PHACTR1: variants seen among roughly 807,000 people sequenced by gnomAD.
PHACTR1 encodes RPEL repeat containing 1.
A neutral mutation model predicts 69.2 loss-of-function variants in PHACTR1; 16 were observed. That is an observed-to-expected ratio of 0.23 (90% confidence interval 0.16 to 0.35). The LOEUF is 0.35. PHACTR1 is among the 10% of genes least tolerant of loss of function. PHACTR1 has a pLI of 1.00. For missense variants in PHACTR1, 510 were observed against 734.7 expected (o/e 0.69, Z 3.54); for synonymous variants, 312 against 284.5 (o/e 1.10, Z -0.97).
At chr6:12,738,408 A>G (rs1004023284) in intron 3 of PHACTR1, among the ~76,000 whole-genome samples, 6 of 152,206 alleles carry the variant, frequency 3.9e-5, no homozygotes, top group Admixed American at 6.5e-5. Context: ...GGAAACTTTA[A>G]GGCCATGAAA....
At chr6:13,155,068 C>T (rs1345905466) in intron 5 of PHACTR1, among the ~76,000 whole-genome samples, 1 of 152,096 alleles carries the variant, frequency 6.6e-6, no homozygotes, top group Non-Finnish European at 1.5e-5. Context: ...TGAGCTTGTC[C>T]TAGTGTAAAA....
intron 11 of PHACTR1, chr6:13,274,445 G>A (rs1226903484): frequency 6.6e-6 from 1 of 152,184 alleles, no homozygotes; most frequent in Non-Finnish European, 1.5e-5. Flanking sequence ...TGGTACCTGA[G>A]CCATTATAAA....
At chr6:12,931,477 A>G (rs1368201312) in intron 4 of PHACTR1, among the ~76,000 whole-genome samples, 3 of 152,136 alleles carry the variant, frequency 2.0e-5, no homozygotes, top group Non-Finnish European at 4.4e-5. Context: ...GCAAGTTAAT[A>G]TAAATGTCCA....
At chr6:12,957,509 G>T (rs369050589) in intron 4 of PHACTR1, 2 of 985,340 alleles carry the variant, frequency 2.0e-6, no homozygotes, top group South Asian at 4.7e-5. Context: ...CCTTGGAGAC[G>T]CCAGCTGGGC....
chr6:12,989,443 T>C (rs1274142288), intron 4 of PHACTR1, among the ~76,000 whole-genome samples: 2 of 152,186 alleles, frequency 1.3e-5, no homozygotes, highest in Non-Finnish European at 2.9e-5. Flanking sequence ...TATACCAACA[T>C]ATAGTCTGGG....
At chr6:12,833,240 T>C (rs753457999) in intron 4 of PHACTR1, among the ~76,000 whole-genome samples, 4 of 151,880 alleles carry the variant, frequency 2.6e-5, no homozygotes, top group Non-Finnish European at 5.9e-5. Context: ...TAATCTCTGC[T>C]CCACAAACCT....
rs868535372 is a variant in PHACTR1, at chr6:13,014,278, A to G, written c.251-39087A>G. On this transcript the variant is annotated intron_variant, in intron 4 of 14. Transcript: ENST00000332995. ...GACATCCGCACTCCACCCAGACATG[A>G]CAGCCGCCCGCCGGGCACTTTGCAG... 7.9e-5 allele frequency among the ~76,000 whole-genome samples: 12 copies of G among 152,188 alleles called. No homozygotes were observed. The South Asian group carries it at 1.0e-3, about 13-fold the overall frequency.
intron 4 of PHACTR1, among the ~76,000 whole-genome samples, chr6:12,856,892 C>A (rs1366837500): frequency 6.6e-6 from 1 of 152,206 alleles, no homozygotes; most frequent in Non-Finnish European, 1.5e-5. Flanking sequence ...TTTTCTTGAA[C>A]AATTTGCCTG....
chr6:13,122,429 G>A (rs190010227), intron 5 of PHACTR1, among the ~76,000 whole-genome samples: 1 of 152,334 alleles, frequency 6.6e-6, no homozygotes, highest in Admixed American at 6.5e-5. Flanking sequence ...ACTGTCAGAA[G>A]AAGTAAAGCT....
chr6:12,989,185 T>C (rs1336002894), intron 4 of PHACTR1, among the ~76,000 whole-genome samples: 1 of 152,228 alleles, frequency 6.6e-6, no homozygotes, highest in Non-Finnish European at 1.5e-5. Context: ...AGCCATCTAT[T>C]CACTAATTTT....
chr6:13,028,865 A>G (rs999447325), intron 4 of PHACTR1, among the ~76,000 whole-genome samples: 2 of 152,162 alleles, frequency 1.3e-5, no homozygotes, highest in Admixed American at 6.5e-5. Flanking sequence ...AGTGTGGACT[A>G]GTGTCTAGGA....
chr6:13,205,697 AT>A, intron 7 of PHACTR1, 117 bp from the exon 8 acceptor site: 2 of 979,972 alleles, frequency 2.0e-6, no homozygotes, highest in Non-Finnish European at 1.5e-6. Flanking sequence ...CAACTGACGC[AT>A]TTTACCTAAG....
At chr6:12,957,005 A>G (rs1791967865) in intron 4 of PHACTR1, among the ~76,000 whole-genome samples, 2 of 138,724 alleles carry the variant, frequency 1.4e-5, no homozygotes, top group Non-Finnish European at 3.0e-5. Flanking sequence ...CTTCCAGGGA[A>G]GGTTCAAGGA....
intron 4 of PHACTR1, among the ~76,000 whole-genome samples, chr6:13,002,390 CATGGA>C (rs376780498): frequency 1.9e-4 from 29 of 152,256 alleles, no homozygotes; most frequent in East Asian, 9.6e-4. Flanking sequence ...CAGTACTCTG[CATGGA>C]ATTACCTATC....
chr6:12,964,501 T>C (rs1793181661), intron 4 of PHACTR1, among the ~76,000 whole-genome samples: 1 of 152,168 alleles, frequency 6.6e-6, no homozygotes, highest in Non-Finnish European at 1.5e-5. Flanking sequence ...GTAAGTGGAA[T>C]GCCAATTCAC....
At chr6:12,962,459 G>C (rs112311411) in intron 4 of PHACTR1, among the ~76,000 whole-genome samples, 4 of 152,268 alleles carry the variant, frequency 2.6e-5, no homozygotes, top group Non-Finnish European at 5.9e-5. Flanking sequence ...CTTGTTTTAG[G>C]AATTGATCAG....
At chr6:12,798,479 A>G (rs1773339766) in intron 4 of PHACTR1, among the ~76,000 whole-genome samples, 1 of 152,236 alleles carries the variant, frequency 6.6e-6, no homozygotes, top group African/African-American at 2.4e-5. Flanking sequence ...AAGGCATTCC[A>G]GACTCAAGGA....
intron 4 of PHACTR1, among the ~76,000 whole-genome samples, chr6:13,028,020 G>GT (rs1801948678): frequency 1.3e-5 from 2 of 152,190 alleles, no homozygotes; most frequent in Admixed American, 6.5e-5. Flanking sequence ...GCGGAACAAA[G>GT]TTAAGCAAAT....
intron 4 of PHACTR1, among the ~76,000 whole-genome samples, chr6:12,900,350 C>T (rs941530912): frequency 1.3e-5 from 2 of 151,958 alleles, no homozygotes; most frequent in South Asian, 2.1e-4. Context: ...ACTTTAACTC[C>T]CACTCATCTT....
Sources: allele counts gnomAD v4.1 joint callset (sites outside exome capture counted in the v4.1 genomes callset), GRCh38; gene constraint gnomAD v4.1.1; transcripts MANE v1.5; gene names NCBI Gene and HGNC (gene_info 2026-07-23, HGNC 2026-07-21).